The following SLC24A4 variants were observed in gnomAD, a reference collection of about 807,000 sequenced individuals.
The protein encoded by SLC24A4 is sodium/potassium/calcium exchanger 4.
Under a neutral mutation model 79.0 loss-of-function variants are expected in SLC24A4, and 53 were observed. The observed-to-expected ratio is 0.67, with a 90% CI of 0.54 to 0.84. The LOEUF (loss-of-function observed/expected upper bound fraction) is 0.84, where lower values mean the gene tolerates loss of function less well. Among genes scored for constraint, SLC24A4 ranks in the 40% least tolerant of loss-of-function variants. The pLI, the probability that SLC24A4 is intolerant of heterozygous loss-of-function variation, is 0.00. For missense variants in SLC24A4, 731 were observed against 822.0 expected (o/e 0.89, Z 1.35); for synonymous variants, 323 against 323.8 (o/e 1.00, Z 0.03).
At chr14:92,489,747 C>G (rs969762220) in intron 14 of SLC24A4, among the ~76,000 whole-genome samples, 18 of 152,198 alleles carry the variant, frequency 1.2e-4, no homozygotes, top group African/African-American at 4.1e-4. Flanking sequence ...AAGGCTCACA[C>G]AGCTGCCGGC....
chr14:92,378,866 G>A (rs565676533), intron 2 of SLC24A4, among the ~76,000 whole-genome samples: 71 of 152,300 alleles, frequency 4.7e-4, no homozygotes, highest in African/African-American at 1.6e-3. Flanking sequence ...CCTGGGCAAC[G>A]TAGTGAGACC....
At chr14:92,461,141 A>G (rs1013673438) in intron 12 of SLC24A4, among the ~76,000 whole-genome samples, 2 of 152,192 alleles carry the variant, frequency 1.3e-5, no homozygotes, top group Non-Finnish European at 2.9e-5. Flanking sequence ...GTTGTGGCGC[A>G]TAGTCTGGGG....
intron 2 of SLC24A4, among the ~76,000 whole-genome samples, chr14:92,347,507 A>G (rs1595145625): frequency 6.7e-6 from 1 of 149,432 alleles, no homozygotes; most frequent in Middle Eastern, 3.4e-3. Flanking sequence ...TTTATGCTCA[A>G]TTGCTTTAGA....
At chr14:92,365,020 T>G (rs2141674342) in intron 2 of SLC24A4, among the ~76,000 whole-genome samples, 1 of 152,294 alleles carries the variant, frequency 6.6e-6, no homozygotes, top group South Asian at 2.1e-4. Context: ...CCAGATGAAC[T>G]TATGTGGTGC....
chr14:92,349,712 T>A (rs936131761), intron 2 of SLC24A4, among the ~76,000 whole-genome samples: 2 of 152,276 alleles, frequency 1.3e-5, no homozygotes, highest in Admixed American at 6.5e-5. Flanking sequence ...GTAGGCATTT[T>A]AAAATATAAG....
At chr14:92,380,419 A>G (rs958507071) in intron 2 of SLC24A4, among the ~76,000 whole-genome samples, 5 of 152,122 alleles carry the variant, frequency 3.3e-5, no homozygotes, top group Non-Finnish European at 7.4e-5. Context: ...TGCTTGAAAA[A>G]GGCCAGTTTT....
chr14:92,380,505 G>A (rs1010205369), intron 2 of SLC24A4, among the ~76,000 whole-genome samples: 48 of 152,306 alleles, frequency 3.2e-4, no homozygotes, highest in African/African-American at 1.1e-3. Context: ...ATTTGGTTTC[G>A]GTGCCTCAGC....
intron 2 of SLC24A4, among the ~76,000 whole-genome samples, chr14:92,334,255 C>A (rs766146986): frequency 2.6e-4 from 40 of 152,328 alleles, no homozygotes; most frequent in Non-Finnish European, 4.6e-4. Flanking sequence ...GCAGGATGTC[C>A]AGCCTGGAGA....
At chr14:92,414,879 C>T (rs1595244014) in intron 2 of SLC24A4, among the ~76,000 whole-genome samples, 1 of 152,242 alleles carries the variant, frequency 6.6e-6, no homozygotes, top group Non-Finnish European at 1.5e-5. Flanking sequence ...CACTTTATCA[C>T]AGCCCTAGAC....
chr14:92,468,926 G>C (rs1049278278), intron 12 of SLC24A4, among the ~76,000 whole-genome samples: 3 of 115,058 alleles, frequency 2.6e-5, no homozygotes, highest in Non-Finnish European at 3.8e-5. Flanking sequence ...GTGTGTGTGT[G>C]TGTGTGTGTC....
intron 16 of SLC24A4, 50 bp from the exon 17 acceptor site, chr14:92,493,426 C>T: frequency 1.2e-6 from 2 of 1,602,938 alleles, no homozygotes; most frequent in Middle Eastern, 1.8e-4. Context: ...AGAAATGCCT[C>T]TTGTATTTCT....
rs4900131 is a variant in SLC24A4 at position 92,493,804 on chromosome 14, C to T, written c.*176C>T. The stretch of plus-strand genomic sequence containing the variant: ...TCTGGCCACAGGCCAGGCTGCTGGG[C>T]ATCCTCCTCCTCCTTGGAGTTCCGC... On this transcript the variant is annotated 3_prime_UTR_variant, in exon 17 of 17. Transcript: ENST00000532405. 0.16 allele frequency: 116,174 copies of T among 722,388 alleles called. 10,151 individuals are homozygous for T. The highest frequency in any genetic ancestry group is 0.25 in the East Asian group (9,004 of 36,294). 44.7% of individuals were successfully genotyped at this position (722,388 alleles called of 1,614,324 possible). A position where few individuals can be genotyped will look rare whatever the true frequency, so the allele number is the denominator to read the frequency against.
intron 2 of SLC24A4, among the ~76,000 whole-genome samples, chr14:92,424,711 AT>A (rs1300606871): frequency 1.3e-5 from 2 of 151,836 alleles, no homozygotes; most frequent in African/African-American, 2.4e-5. Flanking sequence ...AAAAAAAAAA[AT>A]ACCAAAAATA....
chr14:92,380,590 A>G (rs1454258487), intron 2 of SLC24A4, among the ~76,000 whole-genome samples: 1 of 152,258 alleles, frequency 6.6e-6, no homozygotes, highest in Non-Finnish European at 1.5e-5. Flanking sequence ...CCTTCCCGGC[A>G]ACAACTGTGG....
intron 2 of SLC24A4, among the ~76,000 whole-genome samples, chr14:92,365,260 A>G (rs1887762262): frequency 6.6e-6 from 1 of 152,214 alleles, no homozygotes; most frequent in African/African-American, 2.4e-5. Context: ...GTTAAACCTG[A>G]ATTCACCTCA....
At chr14:92,396,418 T>G (rs192549490) in intron 2 of SLC24A4, among the ~76,000 whole-genome samples, 2 of 152,142 alleles carry the variant, frequency 1.3e-5, no homozygotes, top group East Asian at 3.8e-4. Flanking sequence ...ACAGATGAGG[T>G]TGGGTGAGCC....
At chr14:92,493,138 T>G (rs755052977) in intron 16 of SLC24A4, among the ~76,000 whole-genome samples, 1 of 151,928 alleles carries the variant, frequency 6.6e-6, no homozygotes, top group African/African-American at 2.4e-5. Flanking sequence ...AAGCCCCCAT[T>G]TGTCTCTAGA....
chr14:92,323,840 C>G lies in SLC24A4; in HGVS notation c.10C>G (p.Arg4Gly). 2.5e-6 allele frequency: 4 copies of G among 1,579,962 alleles called. No individual in the cohort carries two copies. The highest frequency in any genetic ancestry group is 3.4e-6 in the Non-Finnish European group (4 of 1,170,426). ...ACCCAGGCGCTCCGGGATGGCGCTC[C>G]GCGGGACCCTCCGGCCGCTCAAAGT... Reference protein sequence around the residue: MALRGTLRPLKVRR... With the variant: MALGGTLRPLKVRR... Residue 4 changes from arginine to glycine, a missense_variant, in exon 1 of 17, where the codon CGC becomes GGC. Transcript: ENST00000532405. The surrounding 1 kb of genome is among the most constrained non-coding windows in gnomAD (Gnocchi z 4.9).
At chr14:92,378,064 C>A (rs545405721) in intron 2 of SLC24A4, among the ~76,000 whole-genome samples, 1 of 152,130 alleles carries the variant, frequency 6.6e-6, no homozygotes. Flanking sequence ...GGAAATGGGT[C>A]TGCTTGCAGT....
Sources: allele counts gnomAD v4.1 joint callset (sites outside exome capture counted in the v4.1 genomes callset), GRCh38; gene constraint gnomAD v4.1.1; non-coding constraint Gnocchi (gnomAD v3.1); transcripts MANE v1.5; gene names NCBI Gene and HGNC (gene_info 2026-07-23, HGNC 2026-07-21).